Variants in SLC25A20 observed in about 807,000 individuals in gnomAD.
SLC25A20 encodes the protein mitochondrial carnitine/acylcarnitine carrier protein.
In SLC25A20, 29 loss-of-function variants were observed where a neutral mutation model predicts 39.7. The observed-to-expected ratio is 0.73, with a 90% CI of 0.54 to 1.00. The LOEUF (loss-of-function observed/expected upper bound fraction) is 1.00. SLC25A20 is among the 50% of genes least tolerant of loss of function. The pLI is 0.00. For missense variants in SLC25A20, 333 were observed against 379.9 expected, an observed-to-expected ratio of 0.88 and a Z score of 1.03; for synonymous variants, 103 against 142.2, an observed-to-expected ratio of 0.72 and a Z score of 1.96.
chr3:48,891,208 G>A (rs759353958), intron 2 of SLC25A20, among the ~76,000 whole-genome samples: 4 of 152,156 alleles, frequency 2.6e-5, no homozygotes, highest in Non-Finnish European at 5.9e-5. Context: ...CCAAGTAGCT[G>A]GGACTACAGG....
chr3:48,858,487 C>A lies in SLC25A20; in HGVS notation c.843+20G>T, dbSNP rs188696087. 516 of 1,614,128 alleles carry A rather than the reference C, an allele frequency of 3.2e-4. 1 individual carries two copies. The highest frequency in any genetic ancestry group is 3.6e-5 in the Non-Finnish European group (42 of 1,180,020). On this transcript the variant is annotated intron_variant, in intron 8 of 8. Transcript: ENST00000319017. ...TGCCCTGAGCCCCAGAGGGAAAGCA[C>A]AGCCCTGCCAGCTACTCACCGCATT... is the stretch of plus-strand genomic sequence containing the variant.
intron 4 of SLC25A20, among the ~76,000 whole-genome samples, chr3:48,865,595 TAA>T (rs766275901): frequency 1.9e-4 from 16 of 85,098 alleles, no homozygotes; most frequent in Admixed American, 2.6e-4. Context: ...ACCCTGTTTC[TAA>T]AAAAAAAAAA....
At chr3:48,886,883 T>A (rs2083833512) in intron 2 of SLC25A20, among the ~76,000 whole-genome samples, 1 of 152,148 alleles carries the variant, frequency 6.6e-6, no homozygotes, top group African/African-American at 2.4e-5. Flanking sequence ...AGCAGGAGAA[T>A]CAGGGTGAGG....
chr3:48,868,068 A>G (rs897066706), intron 4 of SLC25A20, among the ~76,000 whole-genome samples: 3 of 151,666 alleles, frequency 2.0e-5, no homozygotes, highest in South Asian at 2.1e-4. Flanking sequence ...ATCTAAAAAA[A>G]AAAAGAAAAG....
intron 3 of SLC25A20, among the ~76,000 whole-genome samples, chr3:48,883,291 G>A (rs1021565734): frequency 1.3e-4 from 19 of 151,028 alleles, no homozygotes; most frequent in Admixed American, 5.3e-4. Flanking sequence ...AGTGGCACAC[G>A]CCTGAAATCC....
chr3:48,886,518 C>T (rs1457513452), intron 2 of SLC25A20, among the ~76,000 whole-genome samples: 1 of 150,878 alleles, frequency 6.6e-6, no homozygotes, highest in Non-Finnish European at 1.5e-5. Context: ...AGTAAAACTC[C>T]GTCTCAAACA....
At chr3:48,866,122 G>A (rs1370400295) in intron 4 of SLC25A20, among the ~76,000 whole-genome samples, 1 of 150,660 alleles carries the variant, frequency 6.6e-6, no homozygotes, top group African/African-American at 2.4e-5. Context: ...GACAGAGCGA[G>A]ACTCTGTCTC....
intron 4 of SLC25A20, among the ~76,000 whole-genome samples, chr3:48,873,968 CAAAAA>C (rs11316117): frequency 4.9e-5 from 2 of 41,074 alleles, no homozygotes; most frequent in Non-Finnish European, 8.7e-5. Flanking sequence ...GACTCCATCT[CAAAAA>C]AAAAAAAAAA....
rs749364913 is a variant in SLC25A20, at chr3:48,884,005, ATCT to A, written c.315_317del (p.Glu105del). On this transcript the variant is annotated inframe_deletion, in exon 3 of 9. Transcript: ENST00000319017. ...GACCTGTAAGTACTCACCTGAGCAC[ATCT>A]TCTGGGTGTTTCTGTTGTAGTTTCT... is the stretch of plus-strand genomic sequence containing the variant. The A allele has an allele frequency of 6.2e-7, 1 of 1,613,636 alleles. No individual in the cohort carries two copies. Among genetic ancestry groups the A allele is most frequent in the Non-Finnish European group, 8.5e-7 (1 of 1,179,680 alleles).
intron 2 of SLC25A20, among the ~76,000 whole-genome samples, chr3:48,889,165 GTTAT>G (rs1453360844): frequency 6.6e-6 from 1 of 151,530 alleles, no homozygotes; most frequent in Admixed American, 6.6e-5. Flanking sequence ...TGTTAATGAA[GTTAT>G]TTATTATTAT....
chr3:48,870,014 G>C (rs1203639812), intron 4 of SLC25A20, among the ~76,000 whole-genome samples: 1 of 151,982 alleles, frequency 6.6e-6, no homozygotes. Context: ...GCTACCCAGG[G>C]GCTAGGTGAG....
At chr3:48,896,265 G>A (rs949107320) in intron 1 of SLC25A20, among the ~76,000 whole-genome samples, 1 of 151,656 alleles carries the variant, frequency 6.6e-6, no homozygotes, top group African/African-American at 2.4e-5. Context: ...AAACTCCTAG[G>A]TTCAACCGAT....
chr3:48,881,285 C>T (rs2106655620), intron 3 of SLC25A20, among the ~76,000 whole-genome samples: 1 of 152,294 alleles, frequency 6.6e-6, no homozygotes, highest in Non-Finnish European at 1.5e-5. Flanking sequence ...CATGGCTATC[C>T]CTGAGGAGTC....
At position 48,872,920 on chromosome 3, in the gene SLC25A20, T is replaced by C. The variant is rs190890044; in HGVS notation, c.417+6438A>G. 3.9e-4 allele frequency among the ~76,000 whole-genome samples: 59 copies of C among 151,546 alleles called. No homozygotes were observed. The East Asian group carries it at 9.6e-3, about 25-fold the overall frequency. ...ACAGGCTTGAATGTAAAACATAAAA[T>C]GATAAATAAAACCTATAGAAGGCCC... On this transcript the variant is annotated intron_variant, in intron 4 of 8. Coordinates refer to ENST00000319017, the MANE Select transcript of SLC25A20 (RefSeq NM_000387.6).
intron 5 of SLC25A20, among the ~76,000 whole-genome samples, chr3:48,860,066 G>A (rs2083612603): frequency 6.6e-6 from 1 of 152,064 alleles, no homozygotes; most frequent in Non-Finnish European, 1.5e-5. Flanking sequence ...ACTTCGGGAG[G>A]CCGAGGCGGG....
At chr3:48,881,330 A>G (rs13318132) in intron 3 of SLC25A20, among the ~76,000 whole-genome samples, 7,366 of 152,214 alleles carry the variant, frequency 0.048, 603 homozygotes, top group African/African-American at 0.17. Flanking sequence ...TGAGACCAAC[A>G]TGTTCCATTT....
intron 2 of SLC25A20, 68 bp from the exon 3 acceptor site, chr3:48,884,192 A>G: frequency 6.2e-7 from 1 of 1,601,512 alleles, no homozygotes; most frequent in South Asian, 1.1e-5. Flanking sequence ...TGAAAGAGGA[A>G]AGCAGTGTGT....
chr3:48,889,747 T>C (rs1252944709), intron 2 of SLC25A20, among the ~76,000 whole-genome samples: 1 of 152,216 alleles, frequency 6.6e-6, no homozygotes, highest in Non-Finnish European at 1.5e-5. Flanking sequence ...AGAATAGTTA[T>C]AATACAAATT....
At chr3:48,859,491 C>G in intron 6 of SLC25A20, 64 bp downstream of exon 6, 1 of 1,321,920 alleles carries the variant, frequency 7.6e-7, no homozygotes, top group Non-Finnish European at 1.1e-6. Flanking sequence ...TTCAGATTCA[C>G]CCACAGGAGA....
Sources: allele counts gnomAD v4.1 joint callset (sites outside exome capture counted in the v4.1 genomes callset), GRCh38; gene constraint gnomAD v4.1.1; transcripts MANE v1.5; gene names NCBI Gene and HGNC (gene_info 2026-07-23, HGNC 2026-07-21).